UNC5A: variants seen among roughly 807,000 people sequenced by gnomAD.
UNC5A encodes the protein unc-5 netrin receptor A.
In UNC5A, 20 loss-of-function variants were observed where a neutral mutation model predicts 87.4. The ratio of observed to expected loss-of-function variants is 0.23; its 90% CI spans 0.16 to 0.33. UNC5A has a LOEUF of 0.33. Ranked by LOEUF, UNC5A falls within the 10% of genes least tolerant of loss-of-function variation. The pLI is 1.00. For synonymous variants in UNC5A, 438 were observed against 482.3 expected (o/e 0.91, Z 1.20); for missense variants, 844 against 1,133.4 (o/e 0.74, Z 3.67).
rs768768864 is a variant in UNC5A at position 176,870,420 on chromosome 5, T to G, written c.772T>G (p.Cys258Gly). Reference sequence around the variant, plus strand: ...CAAGTGGTCGGCCTGTGGGCTGGACTGCACCCACTGGCGGAGCCGTGAGTG... The same window carrying G: ...CAAGTGGTCGGCCTGTGGGCTGGACGGCACCCACTGGCGGAGCCGTGAGTG... ...WSKWSACGLD[C>G]THWRSRECSD... The change falls in exon 6 of 15, where the codon TGC becomes GGC. Residue 258 changes from cysteine (C) to glycine (G), a missense_variant. Physicochemically the swap from Cys to Gly is radical, Grantham distance 159 (BLOSUM62 -3). Coordinates refer to ENST00000329542, the MANE Select transcript of UNC5A (RefSeq NM_133369.3). 6.2e-7 allele frequency: 1 copy of G among 1,612,268 alleles called. No homozygotes were observed. The highest frequency in any genetic ancestry group is 8.5e-7 in the Non-Finnish European group (1 of 1,179,584).
chr5:176,813,772 C>T (rs145163523), intron 1 of UNC5A, among the ~76,000 whole-genome samples: 4 of 152,352 alleles, frequency 2.6e-5, no homozygotes, highest in African/African-American at 4.8e-5. Flanking sequence ...GGCCCAGACC[C>T]GCAGGCTGGA....
rs946168979 is a variant in UNC5A at position 176,839,489 on chromosome 5, A to G, written c.71-23135A>G. Among the ~76,000 whole-genome samples the G allele has an allele frequency of 4.6e-5, 7 of 152,362 alleles. 1 individual carries two copies. The highest frequency in any genetic ancestry group is 6.8e-3 in the Middle Eastern group (2 of 294). ...GTGGGATATCAGCATCGTTGAGCCC[A>G]GGCAGGCCAGGAGGGCCGCTGTCTG... On this transcript the variant is annotated intron_variant, in intron 1 of 14. Coordinates refer to ENST00000329542, the MANE Select transcript of UNC5A (RefSeq NM_133369.3).
At chr5:176,859,527 T>C (rs71591848) in intron 1 of UNC5A, among the ~76,000 whole-genome samples, 1,396 of 71,832 alleles carry the variant, frequency 0.019, no homozygotes, top group Admixed American at 0.035. Flanking sequence ...TGCTAGAATG[T>C]CCTTGCTAGA....
intron 14 of UNC5A, 64 bp from the exon 15 acceptor site, chr5:176,879,657 G>A (rs1758368195): frequency 3.2e-6 from 5 of 1,585,296 alleles, no homozygotes; most frequent in African/African-American, 1.4e-5. Flanking sequence ...GGGTGGGCCA[G>A]GGGGGGCAGG....
chr5:176,828,690 A>G (rs1433594867), intron 1 of UNC5A, among the ~76,000 whole-genome samples: 1 of 152,080 alleles, frequency 6.6e-6, no homozygotes, highest in Non-Finnish European at 1.5e-5. Context: ...TTACTTGTTT[A>G]TGTTCTGTAC....
intron 2 of UNC5A, chr5:176,864,785 G>A (rs1433649288): frequency 2.2e-6 from 1 of 455,358 alleles, no homozygotes; most frequent in Non-Finnish European, 4.4e-6. Flanking sequence ...TGCTCTCAGG[G>A]CAGTGATCCA....
At position 176,874,278 on chromosome 5, in the gene UNC5A, C is replaced by A. The variant is rs747726706; in HGVS notation, c.1090C>A (p.Leu364Ile). The change falls in exon 8 of 15, where the codon CTC becomes ATC. Residue 364 changes from leucine to isoleucine, a missense_variant. Around this residue, in one of 3 missense-constraint regions of UNC5A, gnomAD observed 353 missense variants for 387.5 expected, o/e 0.91. Transcript: ENST00000329542. This position sits in a 1 kb window ranked among gnomAD's most constrained non-coding sequence, Gnocchi z 7.6. ...KPSKADNPHL[L>I]TIQPDLSTTT... ...TTATCCTGCAGACAACCCCCATCTGCTCACCATCCAGCCGGACCTCAGCAC... is the reference window on the plus strand; with the variant it reads ...TTATCCTGCAGACAACCCCCATCTGATCACCATCCAGCCGGACCTCAGCAC... 4 of 1,592,338 alleles carry A rather than the reference C, an allele frequency of 2.5e-6. No individual in the cohort carries two copies. Among genetic ancestry groups the A allele is most frequent in the Non-Finnish European group, 3.4e-6 (4 of 1,167,670 alleles).
At chr5:176,876,817 A>G (rs1312243543) in intron 8 of UNC5A, among the ~76,000 whole-genome samples, 3 of 152,192 alleles carry the variant, frequency 2.0e-5, no homozygotes, top group African/African-American at 7.2e-5. Flanking sequence ...AGGCCCTTCA[A>G]TGCCAGGCCA....
intron 2 of UNC5A, chr5:176,864,894 C>T (rs769905908): frequency 4.2e-5 from 19 of 452,704 alleles, no homozygotes; most frequent in South Asian, 3.0e-4. Context: ...CAGAGCCTCT[C>T]CCGGCCCCAG....
chr5:176,867,470 C>CA (rs1364487190), intron 2 of UNC5A, among the ~76,000 whole-genome samples: 1 of 152,156 alleles, frequency 6.6e-6, no homozygotes, highest in African/African-American at 2.4e-5. Flanking sequence ...ATAGGCGCCC[C>CA]AGCTCACCCT....
At chr5:176,861,391 C>CTG (rs1338277984) in intron 1 of UNC5A, among the ~76,000 whole-genome samples, 1 of 152,190 alleles carries the variant, frequency 6.6e-6, no homozygotes, top group Non-Finnish European at 1.5e-5. Context: ...ACCCTCGGTC[C>CTG]GAGCCTGCCC....
At chr5:176,870,655 GGACCCACT>G (rs1758087058) in intron 6 of UNC5A, 121 bp downstream of exon 6, 1 of 1,172,990 alleles carries the variant, frequency 8.5e-7, no homozygotes, top group Non-Finnish European at 1.2e-6. Flanking sequence ...TCCAGGCTCA[GGACCCACT>G]GAGATCCCCC....
Position 176,880,075 on chromosome 5 carries a change from G to GGCTGGCCCCACCTCCCA in UNC5A, c.*189_*190insGCTGGCCCCACCTCCCA, listed in dbSNP as rs1353911132. The GGCTGGCCCCACCTCCCA allele has an allele frequency of 2.7e-6, 2 of 754,308 alleles. No individual in the cohort carries two copies. Among genetic ancestry groups the GGCTGGCCCCACCTCCCA allele is most frequent in the Non-Finnish European group, 4.1e-6 (2 of 486,684 alleles). 46.7% of individuals were successfully genotyped at this position (754,308 alleles called of 1,614,324 possible). On this transcript the variant is annotated 3_prime_UTR_variant, in exon 15 of 15. Transcript: ENST00000329542. ...CTCCCACCTCTCCATGGCCTGCCTA[G>GGCTGGCCCCACCTCCCA]CCAGGCTGGCACTGCCACTCACACT...
chr5:176,848,341 C>T lies in UNC5A; in HGVS notation c.71-14283C>T, dbSNP rs962937462. On this transcript the variant is annotated intron_variant, in intron 1 of 14. Transcript: ENST00000329542. The surrounding 1 kb of genome is among the most constrained non-coding windows in gnomAD (Gnocchi z 5.8). ...GGGACTCAGGGCCCAGACAGGGCAG[C>T]GGCTCATCTGAGGCTGCATAGTGAC... 5.9e-5 allele frequency among the ~76,000 whole-genome samples: 9 copies of T among 152,108 alleles called. 1 individual carries two copies. Among genetic ancestry groups the T allele is most frequent in the East Asian group, 5.8e-4 (3 of 5,192 alleles).
chr5:176,829,717 T>G (rs1756953897), intron 1 of UNC5A, among the ~76,000 whole-genome samples: 1 of 152,004 alleles, frequency 6.6e-6, no homozygotes, highest in African/African-American at 2.4e-5. Context: ...AAGACTCCCT[T>G]GCCATATTGG....
chr5:176,878,945 C>T (rs879499143), intron 13 of UNC5A, among the ~76,000 whole-genome samples: 2 of 152,100 alleles, frequency 1.3e-5, no homozygotes, highest in East Asian at 1.9e-4. Context: ...AGTTTGGCTG[C>T]GGCATTAAGG....
intron 1 of UNC5A, among the ~76,000 whole-genome samples, chr5:176,830,915 CGTGTGTGTGG>C (rs201317925): frequency 0.064 from 7,672 of 119,302 alleles, 678 homozygotes; most frequent in African/African-American, 0.22. Context: ...TATGTGCCGG[CGTGTGTGTGG>C]GTGTGTGTGT....
At chr5:176,852,264 CACAG>C (rs531676834) in intron 1 of UNC5A, among the ~76,000 whole-genome samples, 2 of 152,002 alleles carry the variant, frequency 1.3e-5, no homozygotes, top group Non-Finnish European at 2.9e-5. Flanking sequence ...ACACCACACA[CACAG>C]AAACACACAT....
At chr5:176,830,361 C>G (rs1756967826) in intron 1 of UNC5A, among the ~76,000 whole-genome samples, 1 of 152,106 alleles carries the variant, frequency 6.6e-6, no homozygotes, top group African/African-American at 2.4e-5. Flanking sequence ...TGCTTGTATG[C>G]TGGCATGTGT....
Sources: allele counts gnomAD v4.1 joint callset (sites outside exome capture counted in the v4.1 genomes callset), GRCh38; gene constraint gnomAD v4.1.1; regional missense constraint gnomAD v4.1.1; non-coding constraint Gnocchi (gnomAD v3.1); transcripts MANE v1.5; gene names NCBI Gene and HGNC (gene_info 2026-07-23, HGNC 2026-07-21).